Variants in ZNF420 observed in about 807,000 individuals in gnomAD.
The protein encoded by ZNF420 is ATM and p53-associated KZNF protein.
In ZNF420, 31 loss-of-function variants were observed where a neutral mutation model predicts 44.7. The ratio of observed to expected loss-of-function variants is 0.69; its 90% CI spans 0.52 to 0.94. The LOEUF is 0.94. ZNF420 is among the 40% of genes least tolerant of loss of function. The probability of loss-of-function intolerance (pLI) is 0.00; values close to 1 mark genes in which losing one functional copy is unlikely to be tolerated. For missense variants in ZNF420, 681 were observed against 827.9 expected (o/e 0.82, Z 2.18); for synonymous variants, 245 against 267.4 (o/e 0.92, Z 0.82).
chr19:37,043,201 A>C (rs1967489178), intron 1 of ZNF420, among the ~76,000 whole-genome samples: 1 of 152,228 alleles, frequency 6.6e-6, no homozygotes, highest in Non-Finnish European at 1.5e-5. Context: ...TGATGATAGA[A>C]ACGTGGCACA....
chr19:37,018,351 A>C (rs1391726966), intron 1 of ZNF420, among the ~76,000 whole-genome samples: 1 of 152,182 alleles, frequency 6.6e-6, no homozygotes, highest in Admixed American at 6.5e-5. Context: ...AACAACCCTA[A>C]AAACTAGGAA....
At chr19:37,120,116 A>AT (rs1035451413) in intron 4 of ZNF420, among the ~76,000 whole-genome samples, 1 of 152,244 alleles carries the variant, frequency 6.6e-6, no homozygotes, top group Non-Finnish European at 1.5e-5. Flanking sequence ...TGCCTAACTC[A>AT]TTTTATGAGG....
intron 4 of ZNF420, among the ~76,000 whole-genome samples, chr19:37,098,998 A>C (rs1315443692): frequency 6.6e-6 from 1 of 152,134 alleles, no homozygotes; most frequent in Non-Finnish European, 1.5e-5. Context: ...AAGTTGTCAA[A>C]AATAACAGGA....
At position 37,127,768 on chromosome 19, in the gene ZNF420, C is replaced by T; in HGVS notation, c.777C>T (p.Ala259=). ...KPYECKECGK[A]FTQNSQLTLH... is the part of the protein sequence containing the mutation. ...ATGAATGTAAAGAATGTGGGAAGGC[C>T]TTTACTCAGAATTCACAACTTACAC... Residue 259 remains alanine (A), a synonymous_variant, in exon 5 of 5, where the codon GCC becomes GCT. Coordinates refer to ENST00000337995, the MANE Select transcript of ZNF420 (RefSeq NM_144689.5). The T allele has an allele frequency of 6.2e-7, 1 of 1,613,876 alleles. No homozygotes were observed. Among genetic ancestry groups the T allele is most frequent in the South Asian group, 1.1e-5 (1 of 91,072 alleles).
intron 4 of ZNF420, among the ~76,000 whole-genome samples, chr19:37,112,570 T>C (rs1361605529): frequency 6.6e-6 from 1 of 152,132 alleles, no homozygotes; most frequent in Non-Finnish European, 1.5e-5. Context: ...CCTCAAACTG[T>C]TTTCCTTGAA....
At chr19:37,119,829 G>C (rs1288114487) in intron 4 of ZNF420, among the ~76,000 whole-genome samples, 29 of 152,192 alleles carry the variant, frequency 1.9e-4, no homozygotes. Context: ...ACTACCATCA[G>C]AATACTACAA....
At chr19:37,068,008 T>C (rs889931377) in intron 1 of ZNF420, among the ~76,000 whole-genome samples, 2 of 152,064 alleles carry the variant, frequency 1.3e-5, no homozygotes, top group African/African-American at 4.8e-5. Flanking sequence ...TGTGTGTATA[T>C]ATATATATAC....
chr19:37,124,868 G>A (rs1001999479), intron 4 of ZNF420, among the ~76,000 whole-genome samples: 6 of 151,448 alleles, frequency 4.0e-5, no homozygotes, highest in Non-Finnish European at 7.4e-5. Context: ...ATGAAGTCTT[G>A]CACTGTCACC....
rs138889406 is a variant in ZNF420 at position 37,058,421 on chromosome 19, T to C, written c.-124-21924T>C. On this transcript the variant is annotated intron_variant, in intron 1 of 4. Coordinates refer to the ZNF420 transcript ENST00000587029. ...CTTATTATTGAGAGACATCCTCCCC[T>C]CTGCTTCTGGATGGACTGCCTCCCA... Among the ~76,000 whole-genome samples, 384 of 152,254 alleles carry C rather than the reference T, an allele frequency of 2.5e-3. 1 individual carries two copies. Among genetic ancestry groups the C allele is most frequent in the African/African-American group, 8.8e-3 (366 of 41,566 alleles).
intron 1 of ZNF420, chr19:37,025,145 C>A: frequency 2.6e-6 from 1 of 391,242 alleles, no homozygotes; most frequent in South Asian, 6.4e-5. Flanking sequence ...TAGGGTTTCT[C>A]ACCAGAATGA....
rs549197371 is a variant in ZNF420, at chr19:37,094,743, ATATATAT to A, written c.136+3624_136+3630del. Reference sequence around the variant, plus strand: ...TAAGAAATTGACATCTCTATGTCAAATATATATTTTATTGTCACAGAATTCTTATCAG... The same window carrying A: ...TAAGAAATTGACATCTCTATGTCAAATTTATTGTCACAGAATTCTTATCAG... On this transcript the variant is annotated intron_variant, in intron 4 of 4. Coordinates refer to ENST00000337995, the MANE Select transcript of ZNF420 (RefSeq NM_144689.5). 3.5e-4 allele frequency among the ~76,000 whole-genome samples: 53 copies of A among 152,326 alleles called. 1 individual carries two copies. Among genetic ancestry groups the A allele is most frequent in the African/African-American group, 1.2e-3 (51 of 41,578 alleles).
At chr19:37,013,873 G>A (rs2074590365) in intron 1 of ZNF420, among the ~76,000 whole-genome samples, 2 of 152,182 alleles carry the variant, frequency 1.3e-5, no homozygotes, top group South Asian at 4.1e-4. Flanking sequence ...GAGCAAATGC[G>A]ACCACACGTG....
At chr19:37,012,972 C>T (rs917767314) in intron 1 of ZNF420, among the ~76,000 whole-genome samples, 1 of 152,088 alleles carries the variant, frequency 6.6e-6, no homozygotes, top group Non-Finnish European at 1.5e-5. Context: ...CCTCTTTTTG[C>T]GTCTTTTACT....
intron 1 of ZNF420, among the ~76,000 whole-genome samples, chr19:37,042,757 C>A (rs1015331743): frequency 6.6e-6 from 1 of 152,164 alleles, no homozygotes; most frequent in African/African-American, 2.4e-5. Context: ...TTTGCACTTA[C>A]AACTTGGCTA....
chr19:37,019,500 C>T (rs1467573439), intron 1 of ZNF420, among the ~76,000 whole-genome samples: 4 of 152,088 alleles, frequency 2.6e-5, no homozygotes, highest in South Asian at 2.1e-4. Context: ...GGAGGCCAGG[C>T]GTGGTGGCTC....
intron 1 of ZNF420, among the ~76,000 whole-genome samples, chr19:37,070,297 A>G (rs1258119778): frequency 6.6e-6 from 1 of 152,178 alleles, no homozygotes; most frequent in Non-Finnish European, 1.5e-5. Context: ...TTATAAAAAA[A>G]ATTGTGAAAG....
intron 4 of ZNF420, chr19:37,093,127 G>A (rs1969246648): frequency 6.6e-6 from 1 of 152,076 alleles, no homozygotes; most frequent in African/African-American, 2.4e-5. Context: ...TAGTCATGGT[G>A]GAAGGGAGGG....
chr19:37,012,919 C>T (rs2074583027), intron 1 of ZNF420, among the ~76,000 whole-genome samples: 1 of 151,932 alleles, frequency 6.6e-6, no homozygotes, highest in Non-Finnish European at 1.5e-5. Flanking sequence ...ATGTCTTGTG[C>T]ACCGGAGTGC....
At position 37,128,831 on chromosome 19, in the gene ZNF420, C is replaced by T. The variant is rs756761246; in HGVS notation, c.1840C>T (p.Pro614Ser). The change falls in exon 5 of 5, where the codon CCC (proline) becomes TCC (serine). Residue 614 changes from proline to serine, a missense_variant. Physicochemically the swap from Pro to Ser is moderately conservative, Grantham distance 74 (BLOSUM62 -1). This residue lies in a region of ZNF420 where 280 missense variants were observed against 338.6 expected (regional missense o/e 0.83). Coordinates refer to ENST00000337995, the MANE Select transcript of ZNF420 (RefSeq NM_144689.5). ...TCAGAGAATCCATACTGGTGAGAAG[C>T]CCTATGAATGCAGAGAATGTAGAAA... is the stretch of plus-strand genomic sequence containing the variant. ...LHQRIHTGEK[P>S]YECRECRKAF... The T allele has an allele frequency of 8.7e-6, 14 of 1,613,724 alleles. No individual in the cohort carries two copies. In the Admixed American group the frequency reaches 2.3e-4, roughly 27 times the overall value.
Sources: gnomAD v4.1 joint callset for allele counts (sites outside exome capture counted in the v4.1 genomes callset) on GRCh38, gnomAD v4.1.1 for gene constraint, gnomAD v4.1.1 regional missense constraint, MANE v1.5 for transcripts, NCBI Gene and HGNC (gene_info 2026-07-23, HGNC 2026-07-21) for gene names.